The following NTM variants were observed in gnomAD, a reference collection of about 807,000 sequenced individuals.
NTM encodes the protein IgLON family member 2.
A neutral mutation model predicts 42.1 loss-of-function variants in NTM; 13 were observed. That is an observed-to-expected ratio of 0.31 (90% CI 0.20 to 0.49). The LOEUF (loss-of-function observed/expected upper bound fraction) is 0.49. Among genes scored for constraint, NTM ranks in the 20% least tolerant of loss-of-function variants. The pLI is 0.99. For missense variants in NTM, 373 were observed against 452.8 expected (o/e 0.82, Z 1.60); for synonymous variants, 187 against 179.2 (o/e 1.04, Z -0.35).
At chr11:132,170,024 G>A (rs986863268) in intron 3 of NTM, among the ~76,000 whole-genome samples, 1 of 152,150 alleles carries the variant, frequency 6.6e-6, no homozygotes, top group Admixed American at 6.6e-5. Flanking sequence ...GATGGAGAGG[G>A]AACACAGGTA....
intron 3 of NTM, among the ~76,000 whole-genome samples, chr11:132,207,212 C>G (rs531802762): frequency 6.6e-6 from 1 of 152,290 alleles, no homozygotes; most frequent in African/African-American, 2.4e-5. Flanking sequence ...AGTGAAGCTT[C>G]TTTTGTATTT....
chr11:131,684,632 T>C (rs1179012844), intron 1 of NTM, among the ~76,000 whole-genome samples: 1 of 152,244 alleles, frequency 6.6e-6, no homozygotes, highest in Non-Finnish European at 1.5e-5. Flanking sequence ...AGTCCCAGGC[T>C]GGAGGCCCTG....
At chr11:132,100,770 A>G (rs886771287) in intron 2 of NTM, among the ~76,000 whole-genome samples, 16 of 152,266 alleles carry the variant, frequency 1.1e-4, no homozygotes, top group African/African-American at 3.9e-4. Flanking sequence ...ACATATACAG[A>G]CACTGAGCTG....
chr11:131,737,277 G>A (rs1424617645), intron 1 of NTM, among the ~76,000 whole-genome samples: 5 of 152,182 alleles, frequency 3.3e-5, no homozygotes, highest in African/African-American at 9.6e-5. Flanking sequence ...GATTCCAAGT[G>A]AATTGGAAGG....
At chr11:132,141,487 G>A (rs1288510192) in intron 2 of NTM, among the ~76,000 whole-genome samples, 1 of 152,198 alleles carries the variant, frequency 6.6e-6, no homozygotes, top group Non-Finnish European at 1.5e-5. Flanking sequence ...CATTTTTAGA[G>A]CATTGGAACA....
intron 2 of NTM, among the ~76,000 whole-genome samples, chr11:131,986,983 A>G (rs774684568): frequency 6.6e-6 from 1 of 152,240 alleles, no homozygotes; most frequent in South Asian, 2.1e-4. Context: ...GTTAACCAAG[A>G]GATGAAAGGG....
intron 1 of NTM, among the ~76,000 whole-genome samples, chr11:131,567,981 T>C (rs1258303296): frequency 6.6e-6 from 1 of 152,208 alleles, no homozygotes; most frequent in East Asian, 1.9e-4. Flanking sequence ...GATGGCATCC[T>C]TATTATTACT....
chr11:131,465,067 G>A (rs970478949), intron 1 of NTM, among the ~76,000 whole-genome samples: 2 of 152,192 alleles, frequency 1.3e-5, no homozygotes, highest in Admixed American at 1.3e-4. Flanking sequence ...CCCAATGGTG[G>A]ATAAATTCCA....
chr11:131,507,012 A>G (rs2047570320), intron 1 of NTM, among the ~76,000 whole-genome samples: 2 of 152,180 alleles, frequency 1.3e-5, no homozygotes, highest in African/African-American at 4.8e-5. Context: ...ATGACTCTCT[A>G]AGCCTGGGTT....
Position 132,312,210 on chromosome 11 carries a change from G to T in NTM, c.782+1978G>T, listed in dbSNP as rs112192083. The stretch of plus-strand genomic sequence containing the variant: ...TCCCAAGGCATATTGTGTCTGCCCT[G>T]GGGGGAAGGCCAGCTCTAGCCCATC... On this transcript the variant is annotated intron_variant, in intron 6 of 8. Transcript: ENST00000683400. Among the ~76,000 whole-genome samples, 700 of 152,196 alleles carry T rather than the reference G, an allele frequency of 4.6e-3. 4 individuals are homozygous for T. The highest frequency in any genetic ancestry group is 7.4e-3 in the Non-Finnish European group (504 of 67,994).
intron 4 of NTM, among the ~76,000 whole-genome samples, chr11:132,287,353 G>C (rs935155435): frequency 6.6e-6 from 1 of 152,158 alleles, no homozygotes; most frequent in East Asian, 1.9e-4. Context: ...TTGAGCTCAG[G>C]ACCCGGATGT....
intron 1 of NTM, among the ~76,000 whole-genome samples, chr11:131,890,641 T>C (rs2051179362): frequency 6.6e-6 from 1 of 152,224 alleles, no homozygotes; most frequent in African/African-American, 2.4e-5. Context: ...TGAACAACTT[T>C]CATCCCTGGT....
chr11:131,390,494 C>G (rs962737023), intron 1 of NTM, among the ~76,000 whole-genome samples: 1 of 152,094 alleles, frequency 6.6e-6, no homozygotes, highest in East Asian at 1.9e-4. Context: ...GCACTTGGCC[C>G]CTACACTTGA....
chr11:132,038,157 A>G (rs1379016442), intron 2 of NTM, among the ~76,000 whole-genome samples: 1 of 152,184 alleles, frequency 6.6e-6, no homozygotes, highest in African/African-American at 2.4e-5. Context: ...CCTGTCTTGC[A>G]TTAGTAAGTC....
intron 1 of NTM, among the ~76,000 whole-genome samples, chr11:131,718,641 A>T (rs2077982217): frequency 6.6e-6 from 1 of 152,100 alleles, no homozygotes; most frequent in African/African-American, 2.4e-5. Flanking sequence ...ACATGCCCTG[A>T]TCAGTCCTCT....
intron 1 of NTM, among the ~76,000 whole-genome samples, chr11:131,710,517 G>A (rs76710829): frequency 3.9e-5 from 6 of 152,184 alleles, no homozygotes; most frequent in African/African-American, 7.2e-5. Flanking sequence ...TATTGGTTTC[G>A]ATTCAGGTAG....
chr11:132,032,736 A>T (rs778520367), intron 2 of NTM, among the ~76,000 whole-genome samples: 62 of 152,154 alleles, frequency 4.1e-4, no homozygotes, highest in Admixed American at 6.5e-5. Flanking sequence ...TATCTGATTC[A>T]ATCGGTATCT....
At chr11:131,694,390 T>G (rs1002919180) in intron 1 of NTM, among the ~76,000 whole-genome samples, 2 of 152,180 alleles carry the variant, frequency 1.3e-5, no homozygotes, top group Non-Finnish European at 2.9e-5. Flanking sequence ...TGGTGATTTT[T>G]TAAAATGCAA....
chr11:132,116,569 A>G (rs2063929916), intron 2 of NTM, among the ~76,000 whole-genome samples: 1 of 152,150 alleles, frequency 6.6e-6, no homozygotes, highest in Non-Finnish European at 1.5e-5. Flanking sequence ...CCACCCTCAT[A>G]GTAGTAACTA....
Sources: gnomAD v4.1 joint callset for allele counts (sites outside exome capture counted in the v4.1 genomes callset) on GRCh38, gnomAD v4.1.1 for gene constraint, MANE v1.5 for transcripts, NCBI Gene and HGNC (gene_info 2026-07-23, HGNC 2026-07-21) for gene names.